Variants in ANOS1 observed in about 807,000 individuals in gnomAD.
ANOS1 encodes the protein anosmin-1.
Under a neutral mutation model 59.0 loss-of-function variants are expected in ANOS1, and 6 were observed. That is an observed-to-expected ratio of 0.10 (90% CI 0.06 to 0.20). ANOS1 has a LOEUF of 0.20. Ranked by LOEUF, ANOS1 falls within the 10% of genes least tolerant of loss-of-function variation. The pLI, the probability that ANOS1 is intolerant of heterozygous loss-of-function variation, is 1.00. For missense variants in ANOS1, 433 were observed against 542.3 expected (o/e 0.80, Z 2.00); for synonymous variants, 217 against 223.4 (o/e 0.97, Z 0.25).
At position 8,729,343 on chromosome X, in the gene ANOS1, G is replaced by A. The variant is rs1039854433; in HGVS notation, c.207+2487C>T. Among the ~76,000 whole-genome samples, 12 of 104,938 alleles carry A rather than the reference G, an allele frequency of 1.1e-4. No individual in the cohort carries two copies. In the Admixed American group the frequency reaches 1.2e-3, roughly 11 times the overall value. The allele number at this position is 104,938 out of a possible 115,157, so 91.1% of individuals were successfully genotyped here. ...GAAAGCAATCTTCTTAAGACTTCCC[G>A]TAGCCCAGTCATGAGTTGTCTGCAG... is the stretch of plus-strand genomic sequence containing the variant. On this transcript the variant is annotated intron_variant, in intron 1 of 13. Coordinates refer to ENST00000262648, the MANE Select transcript of ANOS1 (RefSeq NM_000216.4).
At chrX:8,635,474 G>C (rs950323441) in intron 2 of ANOS1, among the ~76,000 whole-genome samples, 9 of 111,445 alleles carry the variant, frequency 8.1e-5, no homozygotes, top group Non-Finnish European at 1.5e-4. Flanking sequence ...GTAAAGGAGG[G>C]GTAGGTGTCC....
At chrX:8,724,300 A>G (rs759372259) in intron 1 of ANOS1, among the ~76,000 whole-genome samples, 1 of 112,037 alleles carries the variant, frequency 8.9e-6, no homozygotes, top group Non-Finnish European at 1.9e-5. Context: ...GGTTTCCTAG[A>G]AGCAGAGGTT....
intron 1 of ANOS1, among the ~76,000 whole-genome samples, chrX:8,726,540 C>T (rs755649541): frequency 1.6e-3 from 174 of 112,127 alleles, no homozygotes; most frequent in Non-Finnish European, 2.6e-3. Flanking sequence ...CACTTGCCCA[C>T]GGACTACTAC....
chrX:8,666,902 C>T (rs1184323207), intron 2 of ANOS1, among the ~76,000 whole-genome samples: 2 of 109,019 alleles, frequency 1.8e-5, no homozygotes, highest in African/African-American at 7.1e-5. Context: ...GGGGCCCAGA[C>T]AACATCACCC....
chrX:8,596,544 T>C (rs1405547076), intron 4 of ANOS1, among the ~76,000 whole-genome samples: 1 of 112,221 alleles, frequency 8.9e-6, no homozygotes, highest in Non-Finnish European at 1.9e-5. Flanking sequence ...AGGGAAATCC[T>C]TTGTCTAGAA....
In ANOS1 at chrX:8,659,611, TTCCTTCCTTCCTTCCTTCC is replaced by T. The variant is rs1409083931; in HGVS notation, c.256-35960_256-35942del. Among the ~76,000 whole-genome samples the T allele has an allele frequency of 1.1e-4, 11 of 97,993 alleles. 1 individual carries two copies. The highest frequency in any genetic ancestry group is 2.7e-4 in the African/African-American group (7 of 25,514). The allele number at this position is 97,993 out of a possible 115,157, so 85.1% of individuals were successfully genotyped here. A position where few individuals can be genotyped will look rare whatever the true frequency, so the allele number is the denominator to read the frequency against. ...CTTCCTTCCTTCCTTCCTTCCTTCC[TTCCTTCCTTCCTTCCTTCC>T]TTCTTTCTTTTCTCTTTTTTCAGGG... On this transcript the variant is annotated intron_variant, in intron 2 of 13. Coordinates refer to ENST00000262648, the MANE Select transcript of ANOS1 (RefSeq NM_000216.4).
At chrX:8,544,843 G>T (rs1231762568) in intron 9 of ANOS1, among the ~76,000 whole-genome samples, 1 of 109,378 alleles carries the variant, frequency 9.1e-6, no homozygotes, top group African/African-American at 3.3e-5. Flanking sequence ...GAGGTGGGTG[G>T]ATCTCCTGAG....
At chrX:8,590,535 A>G (rs1242221145) in intron 4 of ANOS1, among the ~76,000 whole-genome samples, 1 of 111,760 alleles carries the variant, frequency 8.9e-6, no homozygotes, top group Non-Finnish European at 1.9e-5. Flanking sequence ...CTGTCAAGAC[A>G]TGCATTTAAC....
chrX:8,707,426 A>T (rs1157178514), intron 1 of ANOS1, among the ~76,000 whole-genome samples: 1 of 112,017 alleles, frequency 8.9e-6, no homozygotes, highest in East Asian at 2.8e-4. Flanking sequence ...CTATGATGTA[A>T]ATGTCCAAGA....
intron 2 of ANOS1, among the ~76,000 whole-genome samples, chrX:8,655,554 G>A (rs1931918905): frequency 9.0e-6 from 1 of 111,405 alleles, no homozygotes; most frequent in Non-Finnish European, 1.9e-5. Flanking sequence ...CCACAATCAT[G>A]CTACATCGTC....
At chrX:8,661,742 T>C (rs1396569992) in intron 2 of ANOS1, among the ~76,000 whole-genome samples, 1 of 87,794 alleles carries the variant, frequency 1.1e-5, no homozygotes, top group Non-Finnish European at 1.9e-5. Context: ...CCTTGCCCCC[T>C]GATGGTCCTG....
chrX:8,629,076 T>C (rs182007287), intron 2 of ANOS1, among the ~76,000 whole-genome samples: 8 of 110,524 alleles, frequency 7.2e-5, no homozygotes, highest in African/African-American at 2.6e-4. Flanking sequence ...TAGTGAGACT[T>C]TGTCTCCACT....
intron 13 of ANOS1, 91 bp from the exon 14 acceptor site, chrX:8,533,144 C>G (rs929530254): frequency 1.7e-6 from 1 of 574,627 alleles, no homozygotes; most frequent in African/African-American, 2.3e-5. Flanking sequence ...AGCACGAGAC[C>G]CTGGCAAATG....
At chrX:8,696,382 T>A (rs1221912276) in intron 2 of ANOS1, among the ~76,000 whole-genome samples, 1 of 112,396 alleles carries the variant, frequency 8.9e-6, no homozygotes, top group Non-Finnish European at 1.9e-5. Flanking sequence ...GAAATATAGA[T>A]GTTTAACACA....
chrX:8,727,688 T>C (rs1932932110), intron 1 of ANOS1, among the ~76,000 whole-genome samples: 1 of 112,103 alleles, frequency 8.9e-6, no homozygotes, highest in Non-Finnish European at 1.9e-5. Context: ...TGAGCACATG[T>C]GTCTGAGCCC....
At chrX:8,619,070 C>CAAAAAAAAAAA (rs1164164251) in intron 3 of ANOS1, among the ~76,000 whole-genome samples, 28 of 43,966 alleles carry the variant, frequency 6.4e-4, no homozygotes, top group East Asian at 1.3e-3. Flanking sequence ...AAACCTCTCT[C>CAAAAAAAAAAA]AAAAAAAAAA....
chrX:8,690,094 C>A (rs1932584339), intron 2 of ANOS1, among the ~76,000 whole-genome samples: 1 of 112,171 alleles, frequency 8.9e-6, no homozygotes, highest in Non-Finnish European at 1.9e-5. Flanking sequence ...ATTCTCACAT[C>A]ATATTTATTT....
chrX:8,554,541 A>AGTTTT (rs1929911616), intron 8 of ANOS1, among the ~76,000 whole-genome samples: 2 of 52,352 alleles, frequency 3.8e-5, no homozygotes, highest in African/African-American at 1.6e-4. Context: ...TGGCTACAGG[A>AGTTTT]GTTTTTTTTT....
chrX:8,572,940 G>C (rs1930257461), intron 6 of ANOS1, among the ~76,000 whole-genome samples: 2 of 111,056 alleles, frequency 1.8e-5, no homozygotes, highest in Admixed American at 1.9e-4. Flanking sequence ...CCAATATGGA[G>C]GTCTGGCAGA....
Sources: allele counts gnomAD v4.1 joint callset (sites outside exome capture counted in the v4.1 genomes callset), GRCh38; gene constraint gnomAD v4.1.1; transcripts MANE v1.5; gene names NCBI Gene and HGNC (gene_info 2026-07-23, HGNC 2026-07-21).